The following ZNF638 variants were observed in gnomAD, a reference collection of about 807,000 sequenced individuals.
ZNF638 encodes the protein CTCL tumor antigen se33-1.
ZNF638 carries 46 observed loss-of-function variants against 195.6 expected under a neutral mutation model. That is an observed-to-expected ratio of 0.24 (90% CI 0.19 to 0.30). The LOEUF (loss-of-function observed/expected upper bound fraction) is 0.30, where lower values mean the gene tolerates loss of function less well. Ranked by LOEUF, ZNF638 falls within the 10% of genes least tolerant of loss-of-function variation. The pLI is 1.00. For synonymous variants in ZNF638, 845 were observed against 772.0 expected (o/e 1.09, Z -1.57); for missense variants, 2,440 against 2,325.3 (o/e 1.05, Z -1.01).
intron 1 of ZNF638, among the ~76,000 whole-genome samples, chr2:71,340,989 A>G (rs986171977): frequency 2.6e-5 from 4 of 152,184 alleles, no homozygotes; most frequent in African/African-American, 9.7e-5. Flanking sequence ...CCATTATCTG[A>G]TGGATTGATT....
chr2:71,399,695 T>A (rs775995029), intron 13 of ZNF638, 50 bp downstream of exon 13: 1 of 1,495,772 alleles, frequency 6.7e-7, no homozygotes, highest in African/African-American at 1.4e-5. Flanking sequence ...TTCTTTTTTT[T>A]AACTTTTTAA....
At chr2:71,362,533 C>T (rs1308340321) in intron 3 of ZNF638, among the ~76,000 whole-genome samples, 4 of 152,134 alleles carry the variant, frequency 2.6e-5, no homozygotes. Flanking sequence ...TCCAAGTTTC[C>T]CCCTTTATAA....
At chr2:71,434,447 T>C (rs1313023738) in intron 27 of ZNF638, among the ~76,000 whole-genome samples, 1 of 152,170 alleles carries the variant, frequency 6.6e-6, no homozygotes. Context: ...CCCAAAGTAT[T>C]TTATTTTTTT....
intron 10 of ZNF638, chr2:71,393,699 C>T (rs560230321): frequency 2.0e-5 from 14 of 695,804 alleles, no homozygotes; most frequent in African/African-American, 5.3e-5. Context: ...CCCTGCAACC[C>T]GTACCGGCTA....
intron 1 of ZNF638, among the ~76,000 whole-genome samples, chr2:71,334,020 TCTAA>T (rs1194195618): frequency 3.3e-5 from 5 of 152,228 alleles, no homozygotes; most frequent in Admixed American, 6.5e-5. Flanking sequence ...GGCCCTCTAA[TCTAA>T]CTTTCATTAA....
intron 20 of ZNF638, among the ~76,000 whole-genome samples, chr2:71,409,276 A>G (rs529522746): frequency 6.6e-6 from 1 of 152,292 alleles, no homozygotes; most frequent in Admixed American, 6.5e-5. Context: ...TTAATTGACT[A>G]CTATTTAAAA....
intron 3 of ZNF638, among the ~76,000 whole-genome samples, chr2:71,362,113 T>G (rs1189626184): frequency 6.6e-6 from 1 of 152,202 alleles, no homozygotes; most frequent in African/African-American, 2.4e-5. Context: ...AAGTTGAGAG[T>G]GAAGATACAG....
At chr2:71,404,373 G>T (rs1239317231) in intron 17 of ZNF638, among the ~76,000 whole-genome samples, 1 of 152,010 alleles carries the variant, frequency 6.6e-6, no homozygotes, top group Non-Finnish European at 1.5e-5. Flanking sequence ...CAGTGAGCTT[G>T]TTCCCTCTTC....
chr2:71,364,941 G>T (rs1464204716), intron 5 of ZNF638, among the ~76,000 whole-genome samples: 1 of 152,078 alleles, frequency 6.6e-6, no homozygotes, highest in Non-Finnish European at 1.5e-5. Context: ...AAGAATTTAG[G>T]TTCTTCTTTT....
chr2:71,419,962 A>ACCCCCCC (rs11374629), intron 21 of ZNF638, among the ~76,000 whole-genome samples: 2 of 28,496 alleles, frequency 7.0e-5, no homozygotes, highest in African/African-American at 1.4e-4. Flanking sequence ...CTTAATTCCC[A>ACCCCCCC]CCCCCCCCCG....
chr2:71,365,751 C>CT, intron 6 of ZNF638, 45 bp downstream of exon 6: 4 of 1,502,190 alleles, frequency 2.7e-6, no homozygotes, highest in Non-Finnish European at 2.7e-6. Flanking sequence ...AGGTTTCACT[C>CT]TGTCATCCTC....
Position 71,388,001 on chromosome 2 carries a change from C to T in ZNF638, c.2377+7436C>T, listed in dbSNP as rs1476892936. On this transcript the variant is annotated intron_variant, in intron 10 of 27. Coordinates refer to ENST00000264447, the MANE Select transcript of ZNF638 (RefSeq NM_014497.5). ...GAGATGACTTTTAAACATATGAAGA[C>T]GGATACAACTACACTTATAATTAAA... Among the ~76,000 whole-genome samples, 9 of 151,994 alleles carry T rather than the reference C, an allele frequency of 5.9e-5. No homozygotes were observed. In the South Asian group the frequency reaches 1.2e-3, roughly 21 times the overall value.
intron 26 of ZNF638, among the ~76,000 whole-genome samples, chr2:71,431,676 C>T (rs185783506): frequency 3.7e-4 from 56 of 151,360 alleles, no homozygotes; most frequent in Admixed American, 3.0e-3. Flanking sequence ...AGGAGAATGG[C>T]GTGAACCCGG....
Position 71,426,822 on chromosome 2 carries a change from A to G in ZNF638, c.4953A>G (p.Gln1651=), listed in dbSNP as rs2080549397. 5 of 1,613,476 alleles carry G rather than the reference A, an allele frequency of 3.1e-6. No homozygotes were observed. Among genetic ancestry groups the G allele is most frequent in the Non-Finnish European group, 4.2e-6 (5 of 1,179,636 alleles). ...TTACATTAGATGAATTAATTGACCA[A>G]GATGATTGCATTTCCCACAGTGAAC... ...SLFTLDELID[Q]DDCISHSEPK... Residue 1651 remains glutamine (Q), a synonymous_variant, in exon 24 of 28, where the codon CAA becomes CAG. Coordinates refer to ENST00000264447, the MANE Select transcript of ZNF638 (RefSeq NM_014497.5).
At chr2:71,370,646 G>A (rs1417385424) in intron 8 of ZNF638, among the ~76,000 whole-genome samples, 4 of 151,828 alleles carry the variant, frequency 2.6e-5, no homozygotes. Context: ...TTTAAAATAG[G>A]GTGTTGAGAA....
intron 1 of ZNF638, among the ~76,000 whole-genome samples, chr2:71,336,987 A>G (rs932740136): frequency 6.6e-6 from 1 of 152,218 alleles, no homozygotes; most frequent in Non-Finnish European, 1.5e-5. Context: ...CAAAGATTAG[A>G]TTATTATGGA....
Position 71,365,408 on chromosome 2 carries a change from ATATT to A in ZNF638, c.1718-17_1718-14del, listed in dbSNP as rs1372753048. ...CCTTAATTTTTTTCCAATTGAAATT[ATATT>A]TATATCTTTTTACTAGATAGAAAAA... On this transcript the variant is annotated splice_polypyrimidine_tract_variant and intron_variant, in intron 5 of 27. Coordinates refer to ENST00000264447, the MANE Select transcript of ZNF638 (RefSeq NM_014497.5). 6.5e-7 allele frequency: 1 copy of A among 1,533,936 alleles called. No homozygotes were observed. Among genetic ancestry groups the A allele is most frequent in the East Asian group, 2.4e-5 (1 of 41,310 alleles).
chr2:71,406,306 T>A (rs746481530), intron 19 of ZNF638, 44 bp downstream of exon 19: 1 of 1,569,752 alleles, frequency 6.4e-7, no homozygotes, highest in South Asian at 1.1e-5. Context: ...CTGTAAAGAA[T>A]GTATAATAAC....
chr2:71,421,849 C>G (rs980575491), intron 21 of ZNF638, among the ~76,000 whole-genome samples: 1 of 151,984 alleles, frequency 6.6e-6, no homozygotes, highest in African/African-American at 2.4e-5. Flanking sequence ...TAAGGTTTTC[C>G]TTGTTCTTCA....
Sources: allele counts gnomAD v4.1 joint callset (sites outside exome capture counted in the v4.1 genomes callset), GRCh38; gene constraint gnomAD v4.1.1; transcripts MANE v1.5; gene names NCBI Gene and HGNC (gene_info 2026-07-23, HGNC 2026-07-21).